The following GRK3 variants were observed in gnomAD, a reference collection of about 807,000 sequenced individuals.
GRK3 encodes the protein G protein-coupled receptor kinase 3, also known as adrenergic, beta, receptor kinase 2.
A neutral mutation model predicts 95.7 loss-of-function variants in GRK3; 54 were observed. The ratio of observed to expected loss-of-function variants is 0.56; its 90% CI spans 0.45 to 0.71. GRK3 has a LOEUF of 0.71. Ranked by LOEUF, GRK3 falls within the 30% of genes least tolerant of loss-of-function variation. The probability of loss-of-function intolerance (pLI) is 0.00; values close to 1 mark genes in which losing one functional copy is unlikely to be tolerated. For missense variants in GRK3, 649 were observed against 851.2 expected, an observed-to-expected ratio of 0.76 and a Z score of 2.96; for synonymous variants, 281 against 290.8, an observed-to-expected ratio of 0.97 and a Z score of 0.34.
In GRK3 at chr22:25,726,912, CGTGT is replaced by C. The variant is rs3223258; in HGVS notation, c.*4504_*4507del. The C allele has an allele frequency of 0.095, 13,074 of 137,854 alleles. 731 individuals are homozygous for C. The highest frequency in any genetic ancestry group is 0.17 in the African/African-American group (6,311 of 36,878). 8.5% of individuals were successfully genotyped at this position (137,854 alleles called of 1,614,324 possible). ...TTACCAGGCCATCTCCAAAACACCC[CGTGT>C]GTGTGTGTGTGTGTGTGTGTGTGTG... On this transcript the variant is annotated 3_prime_UTR_variant, in exon 21 of 21. Transcript: ENST00000324198.
chr22:25,612,820 A>AT (rs2084508754), intron 2 of GRK3, among the ~76,000 whole-genome samples: 1 of 151,526 alleles, frequency 6.6e-6, no homozygotes, highest in Admixed American at 6.6e-5. Flanking sequence ...GAATACATTG[A>AT]TAAAAACAGA....
intron 1 of GRK3, among the ~76,000 whole-genome samples, chr22:25,586,882 G>C (rs1478902505): frequency 6.6e-6 from 1 of 151,640 alleles, no homozygotes; most frequent in African/African-American, 2.4e-5. Context: ...TGGGCAAAGC[G>C]AGAGGCCCTT....
At chr22:25,656,364 T>C (rs1225833641) in intron 3 of GRK3, among the ~76,000 whole-genome samples, 12 of 152,332 alleles carry the variant, frequency 7.9e-5, no homozygotes, top group Admixed American at 4.6e-4. Flanking sequence ...TCACCCAGGC[T>C]GGGGTGCAGT....
chr22:25,703,936 A>G (rs2085278814), intron 14 of GRK3, among the ~76,000 whole-genome samples, 173 bp from the exon 15 acceptor site: 1 of 152,214 alleles, frequency 6.6e-6, no homozygotes, highest in Non-Finnish European at 1.5e-5. Flanking sequence ...AGCCTCATTG[A>G]TTTTGCAACT....
At chr22:25,717,483 G>A (rs2085395918) in intron 18 of GRK3, among the ~76,000 whole-genome samples, 1 of 152,092 alleles carries the variant, frequency 6.6e-6, no homozygotes, top group Admixed American at 6.5e-5. Context: ...TAAGCTCTCT[G>A]AAGCAGGGGT....
chr22:25,720,994 T>A (rs1212852841), intron 19 of GRK3, among the ~76,000 whole-genome samples: 1 of 152,208 alleles, frequency 6.6e-6, no homozygotes, highest in African/African-American at 2.4e-5. Context: ...ATACAGCAAG[T>A]AGGCTTGCGA....
At chr22:25,646,181 C>T (rs981111140) in intron 3 of GRK3, among the ~76,000 whole-genome samples, 1 of 152,030 alleles carries the variant, frequency 6.6e-6, no homozygotes, top group Non-Finnish European at 1.5e-5. Context: ...GCAATAAAAG[C>T]AGGCCAGCAG....
At chr22:25,707,517 G>C (rs1431697684) in intron 15 of GRK3, among the ~76,000 whole-genome samples, 1 of 152,168 alleles carries the variant, frequency 6.6e-6, no homozygotes, top group Non-Finnish European at 1.5e-5. Flanking sequence ...GGAAAGCCAT[G>C]GTGTAGAATT....
intron 2 of GRK3, among the ~76,000 whole-genome samples, chr22:25,604,826 T>G (rs2084433068): frequency 1.3e-5 from 2 of 152,228 alleles, no homozygotes; most frequent in South Asian, 4.1e-4. Flanking sequence ...AATTACTTTA[T>G]GAAAATTCCA....
rs3223258 is a variant in GRK3 at position 25,726,912 on chromosome 22, C to CGTGTGTGTGTGTGTGT, written c.*4492_*4507dup. ...TTACCAGGCCATCTCCAAAACACCC[C>CGTGTGTGTGTGTGTGT]GTGTGTGTGTGTGTGTGTGTGTGTG... On this transcript the variant is annotated 3_prime_UTR_variant, in exon 21 of 21. Transcript: ENST00000324198. 10 of 137,994 alleles carry CGTGTGTGTGTGTGTGT rather than the reference C, an allele frequency of 7.2e-5. No individual in the cohort carries two copies. The highest frequency in any genetic ancestry group is 6.8e-4 in the East Asian group (3 of 4,402). The allele number at this position is 137,994 out of a possible 1,614,324, so 8.5% of individuals were successfully genotyped here.
intron 5 of GRK3, 59 bp downstream of exon 5, chr22:25,663,763 G>A: frequency 3.1e-6 from 4 of 1,272,700 alleles, no homozygotes; most frequent in Non-Finnish European, 4.6e-6. Flanking sequence ...TGGCCTTGGT[G>A]ACATTCTTTT....
intron 15 of GRK3, among the ~76,000 whole-genome samples, chr22:25,708,107 G>A (rs2085314203): frequency 6.6e-6 from 1 of 152,112 alleles, no homozygotes; most frequent in African/African-American, 2.4e-5. Flanking sequence ...AATTAGCCGG[G>A]TGTGGTGGCA....
intron 3 of GRK3, chr22:25,649,051 A>G: frequency 1.4e-6 from 2 of 1,441,760 alleles, no homozygotes; most frequent in Non-Finnish European, 2.0e-6. Flanking sequence ...GAAATACTGG[A>G]ACAGGTGGAG....
chr22:25,711,687 A>G (rs561185176), intron 17 of GRK3, among the ~76,000 whole-genome samples: 2 of 152,130 alleles, frequency 1.3e-5, no homozygotes, highest in African/African-American at 4.8e-5. Flanking sequence ...AGAGATGGTG[A>G]GTCATGAGAG....
chr22:25,608,216 T>G (rs201459733), intron 2 of GRK3, among the ~76,000 whole-genome samples: 160 of 151,966 alleles, frequency 1.1e-3, no homozygotes, highest in African/African-American at 3.2e-3. Flanking sequence ...CCTTTCTTCT[T>G]AATAGTGGCA....
At chr22:25,702,923 C>T (rs1206235292) in intron 13 of GRK3, 1 of 455,892 alleles carries the variant, frequency 2.2e-6, no homozygotes, top group Non-Finnish European at 4.4e-6. Context: ...GCTTTTCTGA[C>T]TCTGGAGTCG....
intron 18 of GRK3, among the ~76,000 whole-genome samples, chr22:25,717,262 C>A (rs1241260777): frequency 6.6e-6 from 1 of 151,946 alleles, no homozygotes; most frequent in African/African-American, 2.4e-5. Context: ...TGGAACCTAC[C>A]CCTTGTGGCT....
At chr22:25,681,662 A>T (rs1174446801) in intron 9 of GRK3, among the ~76,000 whole-genome samples, 2 of 152,226 alleles carry the variant, frequency 1.3e-5, no homozygotes, top group Admixed American at 6.5e-5. Context: ...GCAGTTCACA[A>T]AGATTGCTCC....
intron 1 of GRK3, among the ~76,000 whole-genome samples, chr22:25,574,707 A>G (rs1931828575): frequency 6.6e-6 from 1 of 152,186 alleles, no homozygotes. Context: ...AAGTAAGATC[A>G]AGGGACTTTA....
Sources: gnomAD v4.1 joint callset for allele counts (sites outside exome capture counted in the v4.1 genomes callset) on GRCh38, gnomAD v4.1.1 for gene constraint, MANE v1.5 for transcripts, NCBI Gene and HGNC (gene_info 2026-07-23, HGNC 2026-07-21) for gene names.